GREB1L: variants seen among roughly 807,000 people sequenced by gnomAD.
The protein encoded by GREB1L is GREB1 like retinoic acid receptor coactivator, also known as GREB1-like protein.
Under a neutral mutation model 200.8 loss-of-function variants are expected in GREB1L, and 17 were observed. The observed-to-expected ratio is 0.08, with a 90% CI of 0.06 to 0.13. The LOEUF (loss-of-function observed/expected upper bound fraction) is 0.13, where lower values mean the gene tolerates loss of function less well. Ranked by LOEUF, GREB1L falls within the 10% of genes least tolerant of loss-of-function variation. The probability of loss-of-function intolerance (pLI) is 1.00; values close to 1 mark genes in which losing one functional copy is unlikely to be tolerated. For synonymous variants in GREB1L, 789 were observed against 893.0 expected, an observed-to-expected ratio of 0.88 and a Z score of 2.08; for missense variants, 1,657 against 2,367.7, an observed-to-expected ratio of 0.70 and a Z score of 6.23.
chr18:21,279,761 C>G (rs1297867267), intron 1 of GREB1L, among the ~76,000 whole-genome samples: 1 of 152,130 alleles, frequency 6.6e-6, no homozygotes, highest in Non-Finnish European at 1.5e-5. Context: ...TCCTCCCACC[C>G]CAGCCATGAG....
At position 21,402,123 on chromosome 18, in the gene GREB1L, C is replaced by T. The variant is rs566529416; in HGVS notation, c.709+797C>T. ...GTTCTTTAGGAAATGGGTATAATTC[C>T]GAGACAGGTATCATCAGAACTTAAC... On this transcript the variant is annotated intron_variant, in intron 6 of 32. Coordinates refer to ENST00000424526, the MANE Select transcript of GREB1L (RefSeq NM_001142966.3). 4.6e-5 allele frequency among the ~76,000 whole-genome samples: 7 copies of T among 152,106 alleles called. No individual in the cohort carries two copies. The South Asian group carries it at 1.2e-3, about 27-fold the overall frequency.
intron 2 of GREB1L, among the ~76,000 whole-genome samples, chr18:21,373,791 C>T (rs1185036495): frequency 6.6e-6 from 1 of 152,158 alleles, no homozygotes; most frequent in Admixed American, 6.5e-5. Flanking sequence ...AAATGCTTTG[C>T]TCTTTTCTTT....
At chr18:21,316,625 C>T (rs1251817178) in intron 1 of GREB1L, among the ~76,000 whole-genome samples, 2 of 152,168 alleles carry the variant, frequency 1.3e-5, no homozygotes, top group African/African-American at 2.4e-5. Context: ...GTAAAAACCA[C>T]TTCCTTGCTA....
chr18:21,389,333 G>GTTT (rs78492131), intron 4 of GREB1L, among the ~76,000 whole-genome samples: 1,376 of 95,626 alleles, frequency 0.014, 102 homozygotes, highest in African/African-American at 0.052. Flanking sequence ...TATGGGGTGG[G>GTTT]TTTTTTTTTT....
At chr18:21,350,034 A>G (rs2039410542) in intron 1 of GREB1L, among the ~76,000 whole-genome samples, 1 of 151,994 alleles carries the variant, frequency 6.6e-6, no homozygotes, top group Non-Finnish European at 1.5e-5. Flanking sequence ...GCTACATCCT[A>G]TGAGCTTTTA....
chr18:21,433,240 T>C (rs1488196916), intron 7 of GREB1L, among the ~76,000 whole-genome samples: 1 of 152,240 alleles, frequency 6.6e-6, no homozygotes, highest in African/African-American at 2.4e-5. Context: ...AACTATGGAT[T>C]GTTGTTTATA....
chr18:21,510,075 G>T (rs2146040805), intron 27 of GREB1L, among the ~76,000 whole-genome samples: 1 of 152,016 alleles, frequency 6.6e-6, no homozygotes, highest in African/African-American at 2.4e-5. Context: ...TTAGCTGGGT[G>T]TGGTGGTGTG....
Position 21,490,292 on chromosome 18 carries a change from A to G in GREB1L, c.2971A>G (p.Ile991Val), listed in dbSNP as rs750614350. 10 of 1,551,824 alleles carry G rather than the reference A, an allele frequency of 6.4e-6. No individual in the cohort carries two copies. In the South Asian group the frequency reaches 1.2e-4, roughly 18 times the overall value. Residue 991 changes from isoleucine to valine, a missense_variant, in exon 19 of 33, where the codon ATC becomes GTC. Ile to Val is a conservative substitution (Grantham distance 29). Transcript: ENST00000424526. Reference sequence around the variant, plus strand: ...GGGTCTGCAGTATCGGTTTGAGATCATCCTTGGGAACCCGGCCACCGAACT... The same window carrying G: ...GGGTCTGCAGTATCGGTTTGAGATCGTCCTTGGGAACCCGGCCACCGAACT... The part of the protein sequence containing the change: ...KLGLQYRFEI[I>V]LGNPATELSV...
chr18:21,341,186 C>T (rs1299399944), intron 1 of GREB1L, among the ~76,000 whole-genome samples: 1 of 152,026 alleles, frequency 6.6e-6, no homozygotes, highest in Non-Finnish European at 1.5e-5. Flanking sequence ...GGAAGGAGAC[C>T]CTGTGTGTTG....
Position 21,496,553 on chromosome 18 carries a change from A to G in GREB1L, c.3246A>G (p.Lys1082=). The G allele has an allele frequency of 6.4e-7, 1 of 1,551,706 alleles. No individual in the cohort carries two copies. Among genetic ancestry groups the G allele is most frequent in the Non-Finnish European group, 8.7e-7 (1 of 1,147,002 alleles). The part of the protein sequence containing the change: ...EVGLACCYVS[K]EVIRGPTVAL... ...GTCTGGCATGCTGCTATGTCTCAAAAGAGGTCATCCGGGGACCCACTGTTG... is the reference window on the plus strand; with the variant it reads ...GTCTGGCATGCTGCTATGTCTCAAAGGAGGTCATCCGGGGACCCACTGTTG... The change falls in exon 21 of 33, where the codon AAA becomes AAG. Residue 1082 remains lysine, a synonymous_variant. Coordinates refer to ENST00000424526, the MANE Select transcript of GREB1L (RefSeq NM_001142966.3).
At chr18:21,374,241 T>G (rs2039985911) in intron 2 of GREB1L, among the ~76,000 whole-genome samples, 1 of 152,192 alleles carries the variant, frequency 6.6e-6, no homozygotes, top group East Asian at 1.9e-4. Context: ...TGGACTCAAG[T>G]CATCTGCCTG....
chr18:21,491,545 T>C (rs1442463737), intron 19 of GREB1L, among the ~76,000 whole-genome samples: 5 of 151,564 alleles, frequency 3.3e-5, no homozygotes, highest in Non-Finnish European at 7.4e-5. Flanking sequence ...CCGTTTTTAC[T>C]AAAAATACAA....
intron 6 of GREB1L, 78 bp from the exon 7 acceptor site, chr18:21,403,794 T>C: frequency 8.0e-7 from 1 of 1,242,360 alleles, no homozygotes. Context: ...ATTTAGAGAT[T>C]TTATGGATTG....
intron 28 of GREB1L, among the ~76,000 whole-genome samples, chr18:21,515,198 C>T (rs989368410): frequency 2.6e-5 from 4 of 152,086 alleles, no homozygotes; most frequent in African/African-American, 7.2e-5. Context: ...TTTCTTTGCC[C>T]GAAAGTGATA....
intron 27 of GREB1L, 64 bp downstream of exon 27, chr18:21,508,655 C>A: frequency 7.4e-7 from 1 of 1,343,388 alleles, no homozygotes; most frequent in Non-Finnish European, 1.0e-6. Context: ...ATTCCCCTGG[C>A]ATGAAACTTT....
intron 1 of GREB1L, among the ~76,000 whole-genome samples, chr18:21,320,606 A>G (rs2038936146): frequency 6.6e-6 from 1 of 152,046 alleles, no homozygotes; most frequent in Non-Finnish European, 1.5e-5. Flanking sequence ...TAGTAAAAAT[A>G]CAAAAAAAAA....
chr18:21,436,947 G>C (rs542044238), intron 7 of GREB1L, among the ~76,000 whole-genome samples: 1 of 152,076 alleles, frequency 6.6e-6, no homozygotes, highest in Admixed American at 6.6e-5. Flanking sequence ...CTGGAGTCAA[G>C]TGATCAGCCA....
At chr18:21,251,742 C>G (rs1042671333) in intron 1 of GREB1L, among the ~76,000 whole-genome samples, 1 of 152,080 alleles carries the variant, frequency 6.6e-6, no homozygotes, top group Non-Finnish European at 1.5e-5. Context: ...GTCAGGAGTA[C>G]AAGACTAGCC....
intron 1 of GREB1L, among the ~76,000 whole-genome samples, chr18:21,288,984 C>T (rs2038403436): frequency 6.6e-6 from 1 of 152,124 alleles, no homozygotes; most frequent in South Asian, 2.1e-4. Flanking sequence ...GATCCACTCG[C>T]CTCGGCCTCC....
Sources: gnomAD v4.1 joint callset for allele counts (sites outside exome capture counted in the v4.1 genomes callset) on GRCh38, gnomAD v4.1.1 for gene constraint, MANE v1.5 for transcripts, NCBI Gene and HGNC (gene_info 2026-07-23, HGNC 2026-07-21) for gene names.